Variants in STYX observed in about 807,000 individuals in gnomAD.
STYX encodes serine/threonine/tyrosine-interacting protein.
Under a neutral mutation model 42.7 loss-of-function variants are expected in STYX, and 20 were observed. The ratio of observed to expected loss-of-function variants is 0.47; its 90% confidence interval spans 0.33 to 0.68. The LOEUF is 0.68. Among genes scored for constraint, STYX ranks in the 30% least tolerant of loss-of-function variants. The pLI, the probability that STYX is intolerant of heterozygous loss-of-function variation, is 0.02. For missense variants in STYX, 226 were observed against 268.5 expected, an observed-to-expected ratio of 0.84 and a Z score of 1.11; for synonymous variants, 78 against 81.9, an observed-to-expected ratio of 0.95 and a Z score of 0.26.
intron 1 of STYX, among the ~76,000 whole-genome samples, chr14:52,738,307 C>T (rs1881042962): frequency 6.6e-6 from 1 of 152,172 alleles, no homozygotes; most frequent in Admixed American, 6.5e-5. Flanking sequence ...TTTTCATTCC[C>T]TCCTACTATA....
rs1882580056 is a variant in STYX at position 52,773,179 on chromosome 14, T to C, written c.*2073T>C. ...AGAACAGATTTTGTTATTGATAATT[T>C]GTAGCTGGTAATTTTCCACATTTTC... On this transcript the variant is annotated 3_prime_UTR_variant, in exon 11 of 11. Transcript: ENST00000354586. The C allele has an allele frequency of 1.3e-5, 2 of 152,120 alleles. No homozygotes were observed. The highest frequency in any genetic ancestry group is 4.1e-4 in the South Asian group (2 of 4,828). 9.4% of individuals were successfully genotyped at this position (152,120 alleles called of 1,614,324 possible).
intron 3 of STYX, among the ~76,000 whole-genome samples, chr14:52,746,968 T>C (rs1881418461): frequency 6.6e-6 from 1 of 152,204 alleles, no homozygotes; most frequent in African/African-American, 2.4e-5. Context: ...ATTTGAAACT[T>C]TTTGAGCACC....
chr14:52,750,980 G>T (rs555393294), intron 4 of STYX, among the ~76,000 whole-genome samples, 200 bp downstream of exon 4: 104 of 152,038 alleles, frequency 6.8e-4, no homozygotes, highest in African/African-American at 2.4e-3. Context: ...AGTGTATATT[G>T]TCAAGAAGTT....
At chr14:52,752,961 A>C (rs1021478764) in intron 4 of STYX, among the ~76,000 whole-genome samples, 23 of 141,250 alleles carry the variant, frequency 1.6e-4, no homozygotes, top group African/African-American at 5.6e-4. Context: ...GCTCACTGCA[A>C]CCTCTGCCTC....
At chr14:52,736,637 G>A (rs913308234) in intron 1 of STYX, among the ~76,000 whole-genome samples, 2 of 152,096 alleles carry the variant, frequency 1.3e-5, no homozygotes, top group African/African-American at 4.8e-5. Context: ...ACATGGCTGA[G>A]GATTCCTTTT....
At chr14:52,761,860 C>T (rs1882107750) in intron 9 of STYX, among the ~76,000 whole-genome samples, 1 of 150,392 alleles carries the variant, frequency 6.6e-6, no homozygotes, top group African/African-American at 2.4e-5. Context: ...GCCTGGCCAA[C>T]ATCGTGAAAC....
At chr14:52,749,737 T>G (rs1412656590) in intron 3 of STYX, among the ~76,000 whole-genome samples, 3 of 152,224 alleles carry the variant, frequency 2.0e-5, no homozygotes, top group African/African-American at 7.2e-5. Flanking sequence ...AGAATTGTCA[T>G]GTTAAATTGC....
intron 4 of STYX, among the ~76,000 whole-genome samples, chr14:52,752,194 C>T (rs71422099): frequency 0.01 from 1,514 of 150,602 alleles, 7 homozygotes; most frequent in Admixed American, 0.015. Context: ...AAAAAAACAG[C>T]GCTGTGGCTT....
intron 9 of STYX, among the ~76,000 whole-genome samples, chr14:52,765,776 G>A (rs1031863304): frequency 1.3e-5 from 2 of 152,162 alleles, no homozygotes; most frequent in Non-Finnish European, 2.9e-5. Flanking sequence ...CATAGGGAGG[G>A]ATAGGTTTAC....
chr14:52,759,572 A>G, intron 8 of STYX, 110 bp from the exon 9 acceptor site: 1 of 744,968 alleles, frequency 1.3e-6, no homozygotes, highest in Non-Finnish European at 2.3e-6. Flanking sequence ...ATTTAATCTC[A>G]TCATGCTTTT....
At chr14:52,754,148 A>G (rs1881752728) in intron 4 of STYX, among the ~76,000 whole-genome samples, 1 of 151,554 alleles carries the variant, frequency 6.6e-6, no homozygotes, top group Non-Finnish European at 1.5e-5. Context: ...TTGGCCTCCC[A>G]CAGTGCTGGG....
rs1431022613 is a variant in STYX, at chr14:52,772,155, C to T, written c.*1049C>T. On this transcript the variant is annotated 3_prime_UTR_variant, in exon 11 of 11. Coordinates refer to ENST00000354586, the MANE Select transcript of STYX (RefSeq NM_145251.4). ...TTGTGTAATTTCCTTTCTTTTTAAA[C>T]CATAAATTAGTTTAAACTGAAAGTA... The T allele has an allele frequency of 6.6e-6, 1 of 152,044 alleles. No individual in the cohort carries two copies. Among genetic ancestry groups the T allele is most frequent in the Non-Finnish European group, 1.5e-5 (1 of 67,950 alleles). 9.4% of individuals were successfully genotyped at this position (152,044 alleles called of 1,614,324 possible).
rs1357737891 is a variant in STYX at position 52,773,846 on chromosome 14, A to G, written c.*2740A>G. On this transcript the variant is annotated 3_prime_UTR_variant, in exon 11 of 11. Transcript: ENST00000354586. The stretch of plus-strand genomic sequence containing the variant: ...TTAACTATGATAAATTTAACTGATC[A>G]TGATTTATCTTCTAGAGTATTTAAA... 1 of 152,168 alleles carries G rather than the reference A, an allele frequency of 6.6e-6. No homozygotes were observed. The highest frequency in any genetic ancestry group is 1.5e-5 in the Non-Finnish European group (1 of 68,034). 9.4% of individuals were successfully genotyped at this position (152,168 alleles called of 1,614,324 possible). A position where few individuals can be genotyped will look rare whatever the true frequency, so the allele number is the denominator to read the frequency against.
chr14:52,754,647 C>T (rs1240143635), intron 4 of STYX, among the ~76,000 whole-genome samples: 1 of 151,966 alleles, frequency 6.6e-6, no homozygotes, highest in Admixed American at 6.6e-5. Context: ...TTAAATCGTT[C>T]TCTGTTGTGT....
chr14:52,751,272 A>C (rs775779282), intron 4 of STYX, among the ~76,000 whole-genome samples: 3 of 152,056 alleles, frequency 2.0e-5, no homozygotes, highest in Non-Finnish European at 1.5e-5. Flanking sequence ...CAAACTGCTT[A>C]TTCTTTTTAA....
chr14:52,733,407 T>C (rs1380278839), intron 1 of STYX, among the ~76,000 whole-genome samples: 2 of 152,152 alleles, frequency 1.3e-5, no homozygotes, highest in Non-Finnish European at 2.9e-5. Flanking sequence ...AGGCATGAAC[T>C]GAATGTCCCA....
intron 9 of STYX, among the ~76,000 whole-genome samples, chr14:52,767,537 C>T (rs1283638049): frequency 1.3e-5 from 2 of 151,786 alleles, no homozygotes; most frequent in African/African-American, 4.8e-5. Flanking sequence ...CTAACTGGTT[C>T]CTTCTTGATT....
At chr14:52,751,347 A>T (rs777287532) in intron 4 of STYX, among the ~76,000 whole-genome samples, 24 of 152,066 alleles carry the variant, frequency 1.6e-4, no homozygotes, top group Non-Finnish European at 2.9e-4. Context: ...AGATATTTAG[A>T]TTGTTTCTGG....
chr14:52,745,200 A>C (rs542927107), intron 2 of STYX, among the ~76,000 whole-genome samples: 2 of 149,460 alleles, frequency 1.3e-5, no homozygotes, highest in East Asian at 4.0e-4. Flanking sequence ...GGCTCACCGC[A>C]ACGTCCACCT....
Sources: gnomAD v4.1 joint callset for allele counts (sites outside exome capture counted in the v4.1 genomes callset) on GRCh38, gnomAD v4.1.1 for gene constraint, MANE v1.5 for transcripts, NCBI Gene and HGNC (gene_info 2026-07-23, HGNC 2026-07-21) for gene names.